MAP3K5: variants seen among roughly 807,000 people sequenced by gnomAD.
MAP3K5 encodes the protein mitogen-activated protein kinase kinase kinase 5.
MAP3K5 carries 56 observed loss-of-function variants against 158.7 expected under a neutral mutation model. The ratio of observed to expected loss-of-function variants is 0.35; its 90% CI spans 0.28 to 0.44. The LOEUF is 0.44. Among genes scored for constraint, MAP3K5 ranks in the 20% least tolerant of loss-of-function variants. MAP3K5 has a pLI of 1.00. For missense variants in MAP3K5, 1,294 were observed against 1,674.8 expected, an observed-to-expected ratio of 0.77 and a Z score of 3.97; for synonymous variants, 579 against 601.7, an observed-to-expected ratio of 0.96 and a Z score of 0.55.
intron 4 of MAP3K5, among the ~76,000 whole-genome samples, 162 bp from the exon 5 acceptor site, chr6:136,697,549 C>T (rs1226796138): frequency 6.6e-6 from 1 of 151,448 alleles, no homozygotes; most frequent in Non-Finnish European, 1.5e-5. Context: ...ACATATCTGG[C>T]ATTATTAAGA....
chr6:136,656,256 G>T (rs1442126855), intron 10 of MAP3K5, 51 bp downstream of exon 10: 3 of 1,532,468 alleles, frequency 2.0e-6, no homozygotes, highest in Admixed American at 1.7e-5. Context: ...CACAGTACAA[G>T]ATGTTCTTTA....
intron 10 of MAP3K5, among the ~76,000 whole-genome samples, chr6:136,653,844 A>G (rs1263622302): frequency 6.6e-6 from 1 of 152,212 alleles, no homozygotes; most frequent in South Asian, 2.1e-4. Flanking sequence ...GGAAAACTCA[A>G]GAAGGACTAC....
intron 3 of MAP3K5, among the ~76,000 whole-genome samples, chr6:136,702,220 A>C (rs1017612976): frequency 6.6e-6 from 1 of 152,000 alleles, no homozygotes; most frequent in Non-Finnish European, 1.5e-5. Context: ...TCAGGAAAAA[A>C]GGGGGGTGAT....
At chr6:136,749,181 TG>T (rs952095462) in intron 1 of MAP3K5, among the ~76,000 whole-genome samples, 2 of 152,080 alleles carry the variant, frequency 1.3e-5, no homozygotes, top group African/African-American at 4.8e-5. Context: ...GAGACCAGCC[TG>T]GCCAACATGG....
intron 23 of MAP3K5, among the ~76,000 whole-genome samples, chr6:136,588,919 T>C (rs1032093864): frequency 1.3e-5 from 2 of 152,200 alleles, no homozygotes; most frequent in African/African-American, 4.8e-5. Flanking sequence ...AGCTTTCCTT[T>C]AGGACCCAAG....
chr6:136,637,503 T>G (rs1777697936), intron 13 of MAP3K5, 97 bp from the exon 14 acceptor site: 1 of 766,302 alleles, frequency 1.3e-6, no homozygotes, highest in African/African-American at 1.7e-5. Context: ...AACTGAGAGC[T>G]AAGAGAGTCT....
At position 136,734,667 on chromosome 6, in the gene MAP3K5, C is replaced by G. The variant is rs548040646; in HGVS notation, c.449-14078G>C. Among the ~76,000 whole-genome samples, 131 of 152,222 alleles carry G rather than the reference C, an allele frequency of 8.6e-4. 1 individual carries two copies. Among genetic ancestry groups the G allele is most frequent in the Admixed American group, 2.6e-3 (40 of 15,298 alleles). Reference sequence around the variant, plus strand: ...AAAAGGCTGCTCATGAATATATGAACAGGCTTTTGTGAAGCTTATTACAGT... The same window carrying G: ...AAAAGGCTGCTCATGAATATATGAAGAGGCTTTTGTGAAGCTTATTACAGT... On this transcript the variant is annotated intron_variant, in intron 1 of 29. Coordinates refer to ENST00000359015, the MANE Select transcript of MAP3K5 (RefSeq NM_005923.4).
At chr6:136,652,962 T>A (rs1410662333) in intron 10 of MAP3K5, among the ~76,000 whole-genome samples, 1 of 152,234 alleles carries the variant, frequency 6.6e-6, no homozygotes, top group Non-Finnish European at 1.5e-5. Flanking sequence ...TATACCTCAC[T>A]TATGAGTTTA....
At chr6:136,584,125 A>G (rs544085490) in intron 23 of MAP3K5, among the ~76,000 whole-genome samples, 103 of 152,246 alleles carry the variant, frequency 6.8e-4, no homozygotes, top group Non-Finnish European at 7.3e-4. Flanking sequence ...ATAGTCAGAT[A>G]ACAAAGCTTT....
intron 26 of MAP3K5, 39 bp downstream of exon 26, chr6:136,567,592 A>G: frequency 1.3e-6 from 2 of 1,564,414 alleles, no homozygotes; most frequent in Non-Finnish European, 1.7e-6. Context: ...TAGTAAAAGT[A>G]AAAGAAAAGA....
chr6:136,688,869 AT>A (rs1252910986), intron 7 of MAP3K5, among the ~76,000 whole-genome samples: 1 of 152,222 alleles, frequency 6.6e-6, no homozygotes, highest in Non-Finnish European at 1.5e-5. Flanking sequence ...ATACGAAAGC[AT>A]TTATACTGGG....
intron 1 of MAP3K5, among the ~76,000 whole-genome samples, chr6:136,735,325 T>G (rs769671848): frequency 2.7e-4 from 41 of 152,074 alleles, no homozygotes; most frequent in Non-Finnish European, 4.7e-4. Context: ...AAAGTAGAAA[T>G]TAGATATTAA....
At chr6:136,637,089 T>A in intron 14 of MAP3K5, 2 of 1,377,954 alleles carry the variant, frequency 1.5e-6, no homozygotes, top group South Asian at 3.4e-5. Flanking sequence ...TAAAGCATAG[T>A]TACTCGCTAT....
intron 7 of MAP3K5, among the ~76,000 whole-genome samples, chr6:136,682,900 C>T (rs1427602425): frequency 6.6e-6 from 1 of 151,960 alleles, no homozygotes; most frequent in Non-Finnish European, 1.5e-5. Flanking sequence ...ATACATTTTC[C>T]CTCATTAGCT....
intron 1 of MAP3K5, among the ~76,000 whole-genome samples, chr6:136,790,420 A>G (rs1463655876): frequency 6.6e-6 from 1 of 152,220 alleles, no homozygotes; most frequent in African/African-American, 2.4e-5. Flanking sequence ...CAATTTTTAG[A>G]AAAGTTATGT....
At chr6:136,619,466 A>T (rs1562552360) in intron 15 of MAP3K5, among the ~76,000 whole-genome samples, 2 of 152,168 alleles carry the variant, frequency 1.3e-5, no homozygotes, top group Non-Finnish European at 2.9e-5. Flanking sequence ...TTCACAGAAA[A>T]ATTGAGAGGG....
intron 1 of MAP3K5, among the ~76,000 whole-genome samples, chr6:136,753,906 G>T (rs758874834): frequency 6.6e-6 from 1 of 152,192 alleles, no homozygotes; most frequent in African/African-American, 2.4e-5. Flanking sequence ...AGTGACGAGC[G>T]CATTTCAGGT....
chr6:136,735,749 G>C (rs1255937597), intron 1 of MAP3K5, among the ~76,000 whole-genome samples: 1 of 152,034 alleles, frequency 6.6e-6, no homozygotes, highest in African/African-American at 2.4e-5. Context: ...GGATGGCTTG[G>C]GCCCGGGAGT....
intron 1 of MAP3K5, among the ~76,000 whole-genome samples, chr6:136,781,456 TAAAC>T (rs1784609036): frequency 1.3e-5 from 2 of 152,226 alleles, no homozygotes; most frequent in African/African-American, 4.8e-5. Context: ...CTGATCCTCT[TAAAC>T]AGAATATGTA....
Sources: gnomAD v4.1 joint callset for allele counts (sites outside exome capture counted in the v4.1 genomes callset) on GRCh38, gnomAD v4.1.1 for gene constraint, MANE v1.5 for transcripts, NCBI Gene and HGNC (gene_info 2026-07-23, HGNC 2026-07-21) for gene names.